ARHGAP21: variants seen among roughly 807,000 people sequenced by gnomAD.
ARHGAP21 encodes the protein rho GTPase-activating protein 21.
In ARHGAP21, 38 loss-of-function variants were observed where a neutral mutation model predicts 164.6. The observed-to-expected ratio is 0.23, with a 90% CI of 0.18 to 0.30. The LOEUF (loss-of-function observed/expected upper bound fraction) is 0.30. ARHGAP21 is among the 10% of genes least tolerant of loss of function. The pLI, the probability that ARHGAP21 is intolerant of heterozygous loss-of-function variation, is 1.00. For synonymous variants in ARHGAP21, 766 were observed against 857.9 expected (o/e 0.89, Z 1.87); for missense variants, 1,822 against 2,370.7 (o/e 0.77, Z 4.81).
chr10:24,706,954 G>A (rs1049909574), intron 2 of ARHGAP21, among the ~76,000 whole-genome samples: 9 of 152,128 alleles, frequency 5.9e-5, no homozygotes, highest in African/African-American at 1.2e-4. Flanking sequence ...TGCTGGCTCC[G>A]GTCCACAGCA....
At chr10:24,718,301 G>C (rs1845597713) in intron 2 of ARHGAP21, among the ~76,000 whole-genome samples, 1 of 152,148 alleles carries the variant, frequency 6.6e-6, no homozygotes, top group African/African-American at 2.4e-5. Flanking sequence ...GCAATGCCTG[G>C]GGAATATCCC....
chr10:24,608,412 A>ATAAG (rs2077122210), intron 9 of ARHGAP21, among the ~76,000 whole-genome samples: 1 of 152,202 alleles, frequency 6.6e-6, no homozygotes, highest in Non-Finnish European at 1.5e-5. Flanking sequence ...AGCTTCCAAA[A>ATAAG]TAAGTTTCCA....
chr10:24,630,873 C>T (rs990524282), intron 6 of ARHGAP21, among the ~76,000 whole-genome samples: 1 of 152,238 alleles, frequency 6.6e-6, no homozygotes, highest in Non-Finnish European at 1.5e-5. Flanking sequence ...GTCACAACTA[C>T]TGAGCTGACT....
At chr10:24,588,983 T>C (rs2076220651) in intron 25 of ARHGAP21, among the ~76,000 whole-genome samples, 2 of 152,298 alleles carry the variant, frequency 1.3e-5, no homozygotes, top group African/African-American at 2.4e-5. Flanking sequence ...CATTTTATTA[T>C]TCACTTCTGT....
intron 9 of ARHGAP21, among the ~76,000 whole-genome samples, chr10:24,617,047 G>A (rs1283215250): frequency 6.6e-6 from 1 of 152,158 alleles, no homozygotes; most frequent in Non-Finnish European, 1.5e-5. Context: ...TAGGAGCTGG[G>A]CCGCACAGCA....
intron 4 of ARHGAP21, among the ~76,000 whole-genome samples, chr10:24,649,461 C>A (rs545787601): frequency 1.9e-4 from 29 of 152,146 alleles, no homozygotes; most frequent in African/African-American, 7.0e-4. Flanking sequence ...AATGCCCCCA[C>A]CAACCCAGAG....
chr10:24,687,662 G>T (rs960338483), intron 2 of ARHGAP21, among the ~76,000 whole-genome samples: 3 of 152,210 alleles, frequency 2.0e-5, no homozygotes, highest in African/African-American at 7.2e-5. Flanking sequence ...TCAAGGAACA[G>T]ATTGCATTTC....
At position 24,584,053 on chromosome 10, in the gene ARHGAP21, C is replaced by A. The variant is rs548978153; in HGVS notation, c.*359G>T. On this transcript the variant is annotated 3_prime_UTR_variant, in exon 26 of 26. Transcript: ENST00000396432. ...TTTTAACAATATGGCACCCTAAAAA[C>A]CAACTGTATTTTTATGATGAGGCAC... 6.5e-6 allele frequency: 1 copy of A among 153,146 alleles called. No homozygotes were observed. 9.5% of individuals were successfully genotyped at this position (153,146 alleles called of 1,614,324 possible).
chr10:24,597,703 T>C, intron 15 of ARHGAP21, 120 bp from the exon 16 acceptor site: 2 of 1,412,732 alleles, frequency 1.4e-6, no homozygotes, highest in Non-Finnish European at 1.9e-6. Context: ...GAATAAACAA[T>C]TCATAAGCTT....
chr10:24,681,066 C>T (rs1257123407), intron 2 of ARHGAP21, among the ~76,000 whole-genome samples: 1 of 152,008 alleles, frequency 6.6e-6, no homozygotes, highest in Non-Finnish European at 1.5e-5. Context: ...AACAACTAGA[C>T]AAAGCAAACT....
intron 2 of ARHGAP21, among the ~76,000 whole-genome samples, chr10:24,692,470 T>C (rs371399077): frequency 6.2e-4 from 94 of 152,340 alleles, no homozygotes; most frequent in African/African-American, 2.2e-3. Flanking sequence ...TGTCTTCTTA[T>C]AAACCAGCTC....
rs1203874248 is a variant in ARHGAP21, at chr10:24,670,091, T to C, written c.243+127A>G. On this transcript the variant is annotated intron_variant, in intron 3 of 25. Coordinates refer to ENST00000396432, the MANE Select transcript of ARHGAP21 (RefSeq NM_020824.4). ...AAGGAGAAAAATAATATAATAAAAA[T>C]TCAAATGTAATGCTTGATTCTTTTA... The C allele has an allele frequency of 1.2e-4, 64 of 548,088 alleles. No homozygotes were observed. In the East Asian group the frequency reaches 2.2e-3, roughly 19 times the overall value. 34.0% of individuals were successfully genotyped at this position (548,088 alleles called of 1,614,324 possible).
chr10:24,680,496 CTT>C (rs1841665221), intron 2 of ARHGAP21, among the ~76,000 whole-genome samples: 1 of 152,100 alleles, frequency 6.6e-6, no homozygotes, highest in African/African-American at 2.4e-5. Flanking sequence ...TTACTGGGCT[CTT>C]TACACAAACA....
rs755257052 is a variant in ARHGAP21 at position 24,600,811 on chromosome 10, G to T, written c.2967C>A (p.Ile989=). ...QTTPSEEEQP[I]SVNACLIDIS... is the part of the protein sequence containing the mutation. The stretch of plus-strand genomic sequence containing the variant: ...TGTCTATCAAGCAAGCATTAACACT[G>T]ATGGGCTGCTCTTCCTCAGACGGAG... Residue 989 remains isoleucine (I), a synonymous_variant, in exon 14 of 26, where the codon ATC becomes ATA. Coordinates refer to ENST00000396432, the MANE Select transcript of ARHGAP21 (RefSeq NM_020824.4). The T allele has an allele frequency of 5.6e-6, 9 of 1,614,154 alleles. No homozygotes were observed. In the South Asian group the frequency reaches 9.9e-5, roughly 18 times the overall value.
intron 14 of ARHGAP21, among the ~76,000 whole-genome samples, chr10:24,599,595 T>A (rs1177870927): frequency 6.6e-6 from 1 of 152,206 alleles, no homozygotes; most frequent in Non-Finnish European, 1.5e-5. Flanking sequence ...AAAAGAGAAC[T>A]TCGTGCCCCT....
chr10:24,632,104 G>C (rs534114468), intron 6 of ARHGAP21, among the ~76,000 whole-genome samples: 1 of 152,218 alleles, frequency 6.6e-6, no homozygotes, highest in Admixed American at 6.5e-5. Context: ...ACTGCAGACA[G>C]AAGAAAAACA....
chr10:24,686,386 G>A (rs1346392670), intron 2 of ARHGAP21, among the ~76,000 whole-genome samples: 3 of 151,860 alleles, frequency 2.0e-5, no homozygotes, highest in African/African-American at 4.8e-5. Context: ...CCGAGATGGC[G>A]CCACACACTC....
rs576594614 is a variant in ARHGAP21, at chr10:24,715,485, T to C, written c.63+6352A>G. ...GTCTGATTGCCCTTTCACTTGTCTG[T>C]TAATTATCATGATCTCATCTCTTAG... On this transcript the variant is annotated intron_variant, in intron 2 of 25. Transcript: ENST00000396432. 2.6e-5 allele frequency among the ~76,000 whole-genome samples: 4 copies of C among 152,354 alleles called. No individual in the cohort carries two copies. The East Asian group carries it at 7.7e-4, about 29-fold the overall frequency.
chr10:24,670,934 T>A (rs1840642825), intron 2 of ARHGAP21, among the ~76,000 whole-genome samples: 1 of 152,140 alleles, frequency 6.6e-6, no homozygotes, highest in Admixed American at 6.5e-5. Context: ...CCTCCTCTCC[T>A]CCACTCTCAG....
Sources: allele counts gnomAD v4.1 joint callset (sites outside exome capture counted in the v4.1 genomes callset), GRCh38; gene constraint gnomAD v4.1.1; transcripts MANE v1.5; gene names NCBI Gene and HGNC (gene_info 2026-07-23, HGNC 2026-07-21).